The following ABCA4 variants were observed in gnomAD, a reference collection of about 807,000 sequenced individuals.
The protein encoded by ABCA4 is retinal-specific phospholipid-transporting ATPase ABCA4.
Under a neutral mutation model 263.7 loss-of-function variants are expected in ABCA4, and 196 were observed. The observed-to-expected ratio is 0.74, with a 90% confidence interval of 0.66 to 0.84. ABCA4 has a LOEUF of 0.84. ABCA4 is among the 40% of genes least tolerant of loss of function. ABCA4 has a pLI of 0.00. For missense variants in ABCA4, 2,792 were observed against 2,855.1 expected (o/e 0.98, Z 0.50); for synonymous variants, 1,133 against 1,094.2 (o/e 1.04, Z -0.70).
intron 4 of ABCA4, among the ~76,000 whole-genome samples, chr1:94,106,446 C>CA (rs1214760232): frequency 2.0e-5 from 3 of 152,156 alleles, no homozygotes; most frequent in African/African-American, 4.8e-5. Context: ...GTCATCCCGC[C>CA]AGGAGCTGGA....
At chr1:94,033,817 A>C (rs1244234995) in intron 26 of ABCA4, among the ~76,000 whole-genome samples, 1 of 152,058 alleles carries the variant, frequency 6.6e-6, no homozygotes, top group Non-Finnish European at 1.5e-5. Context: ...TCTCGGTGCC[A>C]GAGCCCCAGT....
intron 17 of ABCA4, among the ~76,000 whole-genome samples, chr1:94,050,334 T>A (rs1557782334): frequency 6.6e-6 from 1 of 152,234 alleles, no homozygotes; most frequent in Non-Finnish European, 1.5e-5. Flanking sequence ...GTTCCAGATT[T>A]TGTCCCAGGT....
intron 6 of ABCA4, among the ~76,000 whole-genome samples, chr1:94,092,234 A>T (rs930632607): frequency 2.0e-5 from 3 of 152,168 alleles, no homozygotes; most frequent in Admixed American, 6.5e-5. Context: ...AAGGTTCTGA[A>T]GGGAGGGATG....
In ABCA4 at chr1:94,111,905, C is replaced by T. The variant is rs184085669; in HGVS notation, c.161-326G>A. ...GGAGTGTTAGTTCAAGAAGACTCCA[C>T]GCAGTTGCTGCTGCTGCTTGAGCAG... On this transcript the variant is annotated intron_variant, in intron 2 of 49. Transcript: ENST00000370225. 2.3e-3 allele frequency among the ~76,000 whole-genome samples: 356 copies of T among 152,326 alleles called. 3 individuals are homozygous for T. Among genetic ancestry groups the T allele is most frequent in the Non-Finnish European group, 2.9e-4 (20 of 68,020 alleles).
Position 94,001,755 on chromosome 1 carries a change from A to G in ABCA4, c.6282+103T>C, listed in dbSNP as rs562347720. ...CAGGAAACAGTCCAGACTAAAGCCA[A>G]ACTGCTGCAGTTTCTAAATCTGCCG... On this transcript the variant is annotated intron_variant, in intron 45 of 49. Coordinates refer to ENST00000370225, the MANE Select transcript of ABCA4 (RefSeq NM_000350.3). The G allele has an allele frequency of 2.6e-6, 4 of 1,558,306 alleles. No homozygotes were observed. In the African/African-American group the frequency reaches 5.4e-5, roughly 21 times the overall value.
At chr1:94,010,208 A>G (rs1306883885) in intron 40 of ABCA4, among the ~76,000 whole-genome samples, 3 of 152,228 alleles carry the variant, frequency 2.0e-5, no homozygotes, top group African/African-American at 7.2e-5. Context: ...TGGATTGCAG[A>G]GGGGAGTGAG....
At chr1:94,067,374 G>A (rs1256055155) in intron 11 of ABCA4, among the ~76,000 whole-genome samples, 1 of 152,194 alleles carries the variant, frequency 6.6e-6, no homozygotes, top group Non-Finnish European at 1.5e-5. Flanking sequence ...TGACTGCTGT[G>A]ATGACGTGGG....
In ABCA4 at chr1:94,056,789, T is replaced by G; in HGVS notation, c.2194A>C (p.Ile732Leu). 9 of 1,611,370 alleles carry G rather than the reference T, an allele frequency of 5.6e-6. No homozygotes were observed. Among genetic ancestry groups the G allele is most frequent in the Non-Finnish European group, 7.6e-6 (9 of 1,178,622 alleles). Reference protein sequence around the residue: ...GRILHYSDPFILFLFLLAFST... With the variant: ...GRILHYSDPFLLFLFLLAFST... Reference sequence around the variant, plus strand: ...AAAGCCAACAAGAACAGGAAGAGGATGAATGGGTCGCTGTAATGTAGGATT... The same window carrying G: ...AAAGCCAACAAGAACAGGAAGAGGAGGAATGGGTCGCTGTAATGTAGGATT... Residue 732 changes from isoleucine to leucine, a missense_variant, in exon 15 of 50, where the codon ATC (isoleucine) becomes CTC (leucine). Coordinates refer to ENST00000370225, the MANE Select transcript of ABCA4 (RefSeq NM_000350.3).
At chr1:94,014,756 G>A in intron 37 of ABCA4, 66 bp from the exon 38 acceptor site, 9 of 1,597,422 alleles carry the variant, frequency 5.6e-6, no homozygotes, top group Non-Finnish European at 5.1e-6. Flanking sequence ...AATACGTCTG[G>A]ATATAATGCA....
At chr1:94,029,694 T>A (rs1660145421) in intron 29 of ABCA4, 63 bp from the exon 30 acceptor site, 3 of 1,485,098 alleles carry the variant, frequency 2.0e-6, no homozygotes, top group Non-Finnish European at 2.8e-6. Context: ...TCCCTAGGCA[T>A]AAGAAATTGT....
At chr1:94,111,414 C>A (rs1192040495) in intron 3 of ABCA4, 24 bp downstream of exon 3, 2 of 1,613,240 alleles carry the variant, frequency 1.2e-6, no homozygotes, top group Admixed American at 3.3e-5. Flanking sequence ...TCCTCCCCTG[C>A]ATGGTAGGGA....
chr1:94,034,320 C>CTTCTTCTCTG (rs1660283888), intron 26 of ABCA4, among the ~76,000 whole-genome samples: 2 of 151,886 alleles, frequency 1.3e-5, no homozygotes, highest in Non-Finnish European at 2.9e-5. Context: ...CTTCTTCTCT[C>CTTCTTCTCTG]TTCTTCTTCC....
chr1:94,100,073 C>T (rs1662249859), intron 5 of ABCA4, among the ~76,000 whole-genome samples: 2 of 152,210 alleles, frequency 1.3e-5, no homozygotes, highest in Non-Finnish European at 2.9e-5. Context: ...TGACATCTAA[C>T]GACGTGGCTC....
intron 38 of ABCA4, among the ~76,000 whole-genome samples, chr1:94,013,381 T>C (rs996722235): frequency 6.6e-6 from 1 of 152,184 alleles, no homozygotes; most frequent in Non-Finnish European, 1.5e-5. Context: ...TGGTGGGGCC[T>C]CCGCACAGAT....
intron 12 of ABCA4, 63 bp from the exon 13 acceptor site, chr1:94,062,816 A>T (rs1661168653): frequency 1.3e-6 from 2 of 1,537,164 alleles, no homozygotes; most frequent in African/African-American, 2.7e-5. Context: ...ACACCTCCCG[A>T]CCACAGGGTG....
chr1:94,100,534 G>A (rs926759024), intron 5 of ABCA4, among the ~76,000 whole-genome samples: 14 of 152,200 alleles, frequency 9.2e-5, no homozygotes, highest in South Asian at 2.1e-4. Context: ...GGAAGAGGGA[G>A]AAGGCAGGAC....
intron 35 of ABCA4, among the ~76,000 whole-genome samples, chr1:94,020,530 G>C (rs186753516): frequency 5.3e-5 from 8 of 151,938 alleles, no homozygotes; most frequent in African/African-American, 1.7e-4. Context: ...AAGTGTGGCT[G>C]AGTGAGAATT....
rs534072417 is a variant in ABCA4 at position 94,030,492 on chromosome 1, G to A, written c.4288C>T (p.Leu1430Phe). 1.9e-6 allele frequency: 3 copies of A among 1,614,244 alleles called. No individual in the cohort carries two copies. Among genetic ancestry groups the A allele is most frequent in the African/African-American group, 1.3e-5 (1 of 75,074 alleles). The change falls in exon 29 of 50, where the codon CTT becomes TTT. Residue 1430 changes from leucine to phenylalanine, a missense_variant. Leu to Phe is a conservative substitution (Grantham distance 22, BLOSUM62 0). Transcript: ENST00000370225. The stretch of plus-strand genomic sequence containing the variant: ...GGCTTATTCAGGAGGACGTCTGCAA[G>A]TACCGTGAACTGCTCACTGCCTGGT... The part of the protein sequence containing the change: ...DEPGSEQFTV[L>F]ADVLLNKPGF...
At position 94,031,807 on chromosome 1, in the gene ABCA4, T is replaced by G. The variant is rs1660212470; in HGVS notation, c.4099A>C (p.Ile1367Leu). 1 of 1,613,844 alleles carries G rather than the reference T, an allele frequency of 6.2e-7. No homozygotes were observed. Among genetic ancestry groups the G allele is most frequent in the Admixed American group, 1.7e-5 (1 of 60,006 alleles). ...ALLVKRFQHT[I>L]RSHKDFLAQI... The stretch of plus-strand genomic sequence containing the variant: ...GCCAGGAAGTCCTTGTGGCTGCGGA[T>G]GGTGTGTTGGAATCTCTTGACCAGC... Residue 1367 changes from isoleucine (I) to leucine (L), a missense_variant, in exon 27 of 50, where the codon ATC (isoleucine) becomes CTC (leucine). Physicochemically the swap from Ile to Leu is conservative, Grantham distance 5 (BLOSUM62 2). Coordinates refer to ENST00000370225, the MANE Select transcript of ABCA4 (RefSeq NM_000350.3).
Sources: allele counts gnomAD v4.1 joint callset (sites outside exome capture counted in the v4.1 genomes callset), GRCh38; gene constraint gnomAD v4.1.1; transcripts MANE v1.5; gene names NCBI Gene and HGNC (gene_info 2026-07-23, HGNC 2026-07-21).